Variants in GOLIM4 observed in about 807,000 individuals in gnomAD.
GOLIM4 encodes the protein golgi integral membrane protein 4.
Under a neutral mutation model 107.4 loss-of-function variants are expected in GOLIM4, and 71 were observed. That is an observed-to-expected ratio of 0.66 (90% CI 0.55 to 0.81). GOLIM4 has a LOEUF of 0.81. GOLIM4 is among the 30% of genes least tolerant of loss of function. The pLI is 0.00. For missense variants in GOLIM4, 830 were observed against 826.1 expected (o/e 1.00, Z -0.06); for synonymous variants, 327 against 294.8 (o/e 1.11, Z -1.12).
At chr3:168,036,133 T>G (rs369825398) in intron 8 of GOLIM4, among the ~76,000 whole-genome samples, 1 of 152,282 alleles carries the variant, frequency 6.6e-6, no homozygotes, top group East Asian at 1.9e-4. Context: ...TCATTTAACG[T>G]TCTCACCCTA....
At chr3:168,055,710 G>A (rs1034321847) in intron 1 of GOLIM4, among the ~76,000 whole-genome samples, 1 of 151,642 alleles carries the variant, frequency 6.6e-6, no homozygotes, top group Non-Finnish European at 1.5e-5. Flanking sequence ...GCTGAGGCAG[G>A]AGAATGGTGT....
chr3:168,033,532 G>A (rs553803706), intron 8 of GOLIM4, among the ~76,000 whole-genome samples: 19 of 141,732 alleles, frequency 1.3e-4, no homozygotes, highest in Admixed American at 8.1e-4. Flanking sequence ...GCGTGAACCC[G>A]GGAGGCGGAG....
chr3:168,083,165 T>A (rs1252640341), intron 1 of GOLIM4, among the ~76,000 whole-genome samples: 1 of 152,180 alleles, frequency 6.6e-6, no homozygotes, highest in South Asian at 2.1e-4. Flanking sequence ...AGAATACTCA[T>A]ATATTGCAAT....
intron 12 of GOLIM4, among the ~76,000 whole-genome samples, chr3:168,026,025 A>G (rs1717978668): frequency 6.6e-6 from 1 of 152,220 alleles, no homozygotes; most frequent in Non-Finnish European, 1.5e-5. Context: ...AAGAGACAGT[A>G]AAGCCACAGA....
chr3:168,044,521 T>C (rs939087713), intron 4 of GOLIM4, among the ~76,000 whole-genome samples: 1 of 152,132 alleles, frequency 6.6e-6, no homozygotes, highest in African/African-American at 2.4e-5. Flanking sequence ...GGAAAACCAC[T>C]GTGAGAAAGT....
chr3:168,051,249 C>T (rs977318881), intron 1 of GOLIM4, among the ~76,000 whole-genome samples: 3 of 151,860 alleles, frequency 2.0e-5, no homozygotes, highest in Non-Finnish European at 4.4e-5. Flanking sequence ...GATGGTATTC[C>T]ATTCTTTATT....
chr3:168,073,367 C>T (rs1490136220), intron 1 of GOLIM4, among the ~76,000 whole-genome samples: 1 of 152,106 alleles, frequency 6.6e-6, no homozygotes. Context: ...GTTTAGTAAA[C>T]TCTTTTAGAA....
intron 4 of GOLIM4, 130 bp downstream of exon 4, chr3:168,044,698 T>G (rs762975382): frequency 8.3e-6 from 5 of 604,732 alleles, no homozygotes; most frequent in Non-Finnish European, 1.5e-5. Flanking sequence ...CAAATAAGAT[T>G]TTAAAATGCC....
rs140187203 is a variant in GOLIM4, at chr3:168,050,369, C to G, written c.188-2004G>C. Among the ~76,000 whole-genome samples, 439 of 152,138 alleles carry G rather than the reference C, an allele frequency of 2.9e-3. 4 individuals are homozygous for G. Among genetic ancestry groups the G allele is most frequent in the African/African-American group, 0.01 (420 of 41,502 alleles). ...GGTTCCTTGGATTACTACTAATAGC[C>G]CCATCTTAAATTAAGTTTGGAATAA... On this transcript the variant is annotated intron_variant, in intron 1 of 15. Transcript: ENST00000470487.
At chr3:168,027,875 A>G (rs1343233518) in intron 11 of GOLIM4, 38 bp from the exon 12 acceptor site, 1 of 1,281,234 alleles carries the variant, frequency 7.8e-7, no homozygotes, top group Non-Finnish European at 1.1e-6. Flanking sequence ...CCCAAAATGA[A>G]TCAAACAGGA....
At chr3:168,063,543 C>G (rs747781227) in intron 1 of GOLIM4, among the ~76,000 whole-genome samples, 1 of 152,054 alleles carries the variant, frequency 6.6e-6, no homozygotes, top group Non-Finnish European at 1.5e-5. Flanking sequence ...AATAGGGTAT[C>G]TTCCCCACTG....
chr3:168,046,658 C>T (rs75660355), intron 3 of GOLIM4, among the ~76,000 whole-genome samples: 4,625 of 152,266 alleles, frequency 0.03, 122 homozygotes, highest in Non-Finnish European at 0.042. Flanking sequence ...ATCTTACATT[C>T]TATAAAAAAG....
At chr3:168,046,914 AAAAC>A (rs756110625) in intron 3 of GOLIM4, 32 bp downstream of exon 3, 3 of 1,138,838 alleles carry the variant, frequency 2.6e-6, no homozygotes, top group African/African-American at 1.6e-5. Context: ...CAAATTAAGG[AAAAC>A]AAACAACCAC....
intron 11 of GOLIM4, among the ~76,000 whole-genome samples, chr3:168,028,241 TG>T (rs1306131273): frequency 6.6e-6 from 1 of 152,148 alleles, no homozygotes; most frequent in African/African-American, 2.4e-5. Context: ...TTTCAGGAAA[TG>T]CAAGGAAGAA....
chr3:168,026,686 T>C (rs577057165), intron 12 of GOLIM4, among the ~76,000 whole-genome samples: 3 of 152,350 alleles, frequency 2.0e-5, no homozygotes, highest in Non-Finnish European at 2.9e-5. Context: ...GGATAGTCTC[T>C]TGCTCTCTCA....
Position 168,022,397 on chromosome 3 carries a change from T to G in GOLIM4, c.1860+2129A>C, listed in dbSNP as rs80038577. Among the ~76,000 whole-genome samples the G allele has an allele frequency of 4.3e-3, 649 of 151,740 alleles. 16 individuals are homozygous for G. In the East Asian group the frequency reaches 0.074, roughly 17 times the overall value. The stretch of plus-strand genomic sequence containing the variant: ...CACAACATTTCATGGTTTTTCAGAG[T>G]GCTTCCACCAATGAGGTTTCATACA... On this transcript the variant is annotated intron_variant, in intron 14 of 15. Transcript: ENST00000470487.
chr3:168,054,336 G>A (rs890049223), intron 1 of GOLIM4, among the ~76,000 whole-genome samples: 4 of 151,980 alleles, frequency 2.6e-5, no homozygotes, highest in African/African-American at 7.2e-5. Context: ...CATCCTGCCC[G>A]ACCCCAGCAG....
At chr3:168,044,012 G>A (rs906949430) in intron 4 of GOLIM4, among the ~76,000 whole-genome samples, 2 of 152,192 alleles carry the variant, frequency 1.3e-5, no homozygotes, top group Non-Finnish European at 2.9e-5. Context: ...GTAATCAACT[G>A]TTTAGAGAAT....
intron 14 of GOLIM4, among the ~76,000 whole-genome samples, chr3:168,019,546 A>G (rs747712698): frequency 6.6e-6 from 1 of 152,172 alleles, no homozygotes; most frequent in Non-Finnish European, 1.5e-5. Context: ...AAAAGAACAC[A>G]TAACATGGGA....
Sources: allele counts gnomAD v4.1 joint callset (sites outside exome capture counted in the v4.1 genomes callset), GRCh38; gene constraint gnomAD v4.1.1; transcripts MANE v1.5; gene names NCBI Gene and HGNC (gene_info 2026-07-23, HGNC 2026-07-21).